Variants in ITGA1 observed in about 807,000 individuals in gnomAD.
ITGA1 encodes integrin alpha-1.
ITGA1 carries 85 observed loss-of-function variants against 145.9 expected under a neutral mutation model. The observed-to-expected ratio is 0.58, with a 90% CI of 0.49 to 0.70. The LOEUF (loss-of-function observed/expected upper bound fraction) is 0.70. Ranked by LOEUF, ITGA1 falls within the 30% of genes least tolerant of loss-of-function variation. The pLI is 0.00. For missense variants in ITGA1, 1,351 were observed against 1,418.7 expected (o/e 0.95, Z 0.77); for synonymous variants, 520 against 495.3 (o/e 1.05, Z -0.66).
At chr5:52,938,652 A>T (rs1751007571) in intron 24 of ITGA1, among the ~76,000 whole-genome samples, 1 of 152,338 alleles carries the variant, frequency 6.6e-6, no homozygotes, top group African/African-American at 2.4e-5. Flanking sequence ...GGATATTGAC[A>T]GTACTGGGGA....
At chr5:52,864,710 A>G (rs1580068732) in intron 3 of ITGA1, 53 bp from the exon 4 acceptor site, 15 of 1,134,142 alleles carry the variant, frequency 1.3e-5, no homozygotes, top group Non-Finnish European at 1.7e-5. Context: ...AGATGCTTAA[A>G]ATTTCACTTT....
intron 1 of ITGA1, among the ~76,000 whole-genome samples, chr5:52,789,350 T>C (rs528111658): frequency 2.2e-4 from 34 of 152,344 alleles, no homozygotes; most frequent in African/African-American, 7.2e-4. Context: ...ATCATTGATA[T>C]TCAATTGTTC....
At chr5:52,815,633 T>A (rs559662975) in intron 1 of ITGA1, among the ~76,000 whole-genome samples, 1 of 152,262 alleles carries the variant, frequency 6.6e-6, no homozygotes, top group South Asian at 2.1e-4. Flanking sequence ...AAAAATGGAA[T>A]AGGGATCTCC....
At chr5:52,893,586 A>G in intron 8 of ITGA1, 89 bp from the exon 9 acceptor site, 1 of 1,215,172 alleles carries the variant, frequency 8.2e-7, no homozygotes, top group Non-Finnish European at 1.2e-6. Context: ...AAGGTACTCT[A>G]CACTGTTGTT....
intron 6 of ITGA1, among the ~76,000 whole-genome samples, chr5:52,878,483 T>G (rs2111798955): frequency 6.6e-6 from 1 of 152,338 alleles, no homozygotes; most frequent in South Asian, 2.1e-4. Flanking sequence ...TAGTAGGTTC[T>G]TTAAGATATG....
At chr5:52,899,326 G>A (rs984656521) in intron 11 of ITGA1, among the ~76,000 whole-genome samples, 2 of 152,142 alleles carry the variant, frequency 1.3e-5, no homozygotes, top group Non-Finnish European at 2.9e-5. Context: ...TTACTGCGGT[G>A]TTTATACATC....
chr5:52,865,771 T>A lies in ITGA1; in HGVS notation c.578T>A (p.Leu193Ter), dbSNP rs2111777990. 4.4e-6 allele frequency: 7 copies of A among 1,604,348 alleles called. No individual in the cohort carries two copies. Among genetic ancestry groups the A allele is most frequent in the African/African-American group, 1.3e-5 (1 of 74,150 alleles). ...IYPWDSVTAF[L>*]NDLLERMDIG... The stretch of plus-strand genomic sequence containing the variant: ...CCATGGGACAGTGTTACAGCTTTTT[T>A]AAATGACCTTCTTGAAAGAATGGAT... The change falls in exon 6 of 29, where the codon TTA (leucine) becomes TAA (stop). Residue 193 changes from leucine to a stop codon, truncating the protein, a stop_gained. Coordinates refer to ENST00000282588, the MANE Select transcript of ITGA1 (RefSeq NM_181501.2). LOFTEE classifies it high-confidence loss of function.
intron 19 of ITGA1, 150 bp from the exon 20 acceptor site, chr5:52,927,434 G>C: frequency 1.7e-6 from 1 of 577,664 alleles, no homozygotes; most frequent in Non-Finnish European, 3.1e-6. Context: ...TAGAACAGCT[G>C]GTCCCAGAAT....
At chr5:52,938,331 T>C (rs1709448607) in intron 24 of ITGA1, among the ~76,000 whole-genome samples, 1 of 152,168 alleles carries the variant, frequency 6.6e-6, no homozygotes. Context: ...AATGAGACTA[T>C]ATGATGGTTC....
chr5:52,942,464 A>C (rs981434519), intron 26 of ITGA1, among the ~76,000 whole-genome samples: 5 of 147,966 alleles, frequency 3.4e-5, no homozygotes, highest in African/African-American at 1.2e-4. Context: ...CCTTTTAGAG[A>C]TCTCTTACCT....
At chr5:52,838,146 T>G (rs1561223402) in intron 1 of ITGA1, among the ~76,000 whole-genome samples, 1 of 152,156 alleles carries the variant, frequency 6.6e-6, no homozygotes, top group Non-Finnish European at 1.5e-5. Context: ...ATGAAGGAAA[T>G]ATTTGGTAGT....
chr5:52,941,988 G>T (rs79203147), intron 26 of ITGA1, among the ~76,000 whole-genome samples: 12,674 of 152,152 alleles, frequency 0.083, 695 homozygotes, highest in East Asian at 0.2. Flanking sequence ...TCATTCTTCT[G>T]CATATGGCTA....
At position 52,889,386 on chromosome 5, in the gene ITGA1, G is replaced by T. The variant is rs1056105746; in HGVS notation, c.924+1421G>T. The stretch of plus-strand genomic sequence containing the variant: ...CAAAGTGCTGGGATTACAGGCGTGA[G>T]CCACCGTGCCCAGCCCACTATGCAT... On this transcript the variant is annotated intron_variant, in intron 8 of 28. Coordinates refer to ENST00000282588, the MANE Select transcript of ITGA1 (RefSeq NM_181501.2). Among the ~76,000 whole-genome samples, 19 of 152,174 alleles carry T rather than the reference G, an allele frequency of 1.2e-4. 1 individual carries two copies. The highest frequency in any genetic ancestry group is 4.6e-4 in the African/African-American group (19 of 41,432).
chr5:52,822,091 G>A (rs1311149646), intron 1 of ITGA1, among the ~76,000 whole-genome samples: 3 of 152,310 alleles, frequency 2.0e-5, no homozygotes, highest in African/African-American at 4.8e-5. Context: ...TTGAGAATTT[G>A]CCATGTGGAG....
At chr5:52,923,641 T>C (rs1386765429) in intron 18 of ITGA1, among the ~76,000 whole-genome samples, 2 of 152,190 alleles carry the variant, frequency 1.3e-5, no homozygotes, top group Non-Finnish European at 2.9e-5. Context: ...AGAATTAGGC[T>C]CTTCTAGACT....
intron 11 of ITGA1, among the ~76,000 whole-genome samples, chr5:52,898,859 T>C (rs16880448): frequency 0.011 from 1,607 of 152,308 alleles, 31 homozygotes; most frequent in African/African-American, 0.036. Context: ...TCTTCTTTAA[T>C]AGCTCCATTC....
intron 6 of ITGA1, among the ~76,000 whole-genome samples, 186 bp from the exon 7 acceptor site, chr5:52,881,687 T>C (rs1749962247): frequency 6.6e-6 from 1 of 152,246 alleles, no homozygotes; most frequent in African/African-American, 2.4e-5. Flanking sequence ...TGTTTGCTTT[T>C]GTTCTTTGGA....
intron 1 of ITGA1, among the ~76,000 whole-genome samples, chr5:52,806,032 A>G (rs1199254160): frequency 6.6e-6 from 1 of 152,172 alleles, no homozygotes; most frequent in Non-Finnish European, 1.5e-5. Context: ...AATTAATTCC[A>G]ATAAAGTTGG....
intron 6 of ITGA1, among the ~76,000 whole-genome samples, chr5:52,873,423 A>G (rs1212407031): frequency 6.6e-6 from 1 of 152,202 alleles, no homozygotes; most frequent in Admixed American, 6.5e-5. Context: ...GCAAGAGTCC[A>G]GATAAAGATA....
Sources: gnomAD v4.1 joint callset for allele counts (sites outside exome capture counted in the v4.1 genomes callset) on GRCh38, gnomAD v4.1.1 for gene constraint, MANE v1.5 for transcripts, NCBI Gene and HGNC (gene_info 2026-07-23, HGNC 2026-07-21) for gene names.